Variants in FUT8 observed in about 807,000 individuals in gnomAD.
The protein encoded by FUT8 is fucosyltransferase 8, also known as alpha-(1,6)-fucosyltransferase.
Under a neutral mutation model 71.3 loss-of-function variants are expected in FUT8, and 29 were observed. The ratio of observed to expected loss-of-function variants is 0.41; its 90% CI spans 0.30 to 0.55. The LOEUF is 0.55. Ranked by LOEUF, FUT8 falls within the 20% of genes least tolerant of loss-of-function variation. The pLI is 0.34. For synonymous variants in FUT8, 254 were observed against 239.3 expected, an observed-to-expected ratio of 1.06 and a Z score of -0.57; for missense variants, 544 against 702.1, an observed-to-expected ratio of 0.77 and a Z score of 2.55.
chr14:65,575,621 T>G (rs1886724987), intron 3 of FUT8, among the ~76,000 whole-genome samples: 1 of 141,986 alleles, frequency 7.0e-6, no homozygotes, highest in South Asian at 2.3e-4. Flanking sequence ...CTTCCTTCCT[T>G]CCTCTTTTTT....
At chr14:65,360,491 A>G in the FUT8 span, among the ~76,000 whole-genome samples, 3 of 152,266 alleles carry the variant, frequency 2.0e-5, no homozygotes, top group African/African-American at 7.2e-5. Flanking sequence ...CCCATACTTC[A>G]GAGGACTGGC....
At chr14:65,426,157 T>A (rs988032254) in intron 1 of FUT8, among the ~76,000 whole-genome samples, 4 of 152,104 alleles carry the variant, frequency 2.6e-5, no homozygotes, top group Non-Finnish European at 5.9e-5. Flanking sequence ...GTTCTCTGCT[T>A]CTATGAGTTC....
intron 9 of FUT8, among the ~76,000 whole-genome samples, chr14:65,724,709 G>A (rs1895591754): frequency 6.6e-6 from 1 of 152,172 alleles, no homozygotes; most frequent in Non-Finnish European, 1.5e-5. Context: ...GTCTGAGGCT[G>A]GGAAATTCAA....
chr14:65,403,732 T>A, the FUT8 span, among the ~76,000 whole-genome samples: 1 of 96,690 alleles, frequency 1.0e-5, no homozygotes, highest in Non-Finnish European at 2.1e-5. Context: ...ATACTGATAG[T>A]GGTTAATTTT....
intron 2 of FUT8, among the ~76,000 whole-genome samples, chr14:65,522,747 G>A (rs1457763815): frequency 3.7e-5 from 4 of 109,498 alleles, no homozygotes; most frequent in Admixed American, 2.6e-4. Flanking sequence ...AACAGGCCCC[G>A]GTGTGTGATG....
chr14:65,580,199 G>A (rs1024720161), intron 3 of FUT8, among the ~76,000 whole-genome samples: 5 of 151,028 alleles, frequency 3.3e-5, no homozygotes, highest in African/African-American at 1.2e-4. Flanking sequence ...AGTGTAGTAG[G>A]CTAGTGTGTA....
chr14:65,390,262 G>T, the FUT8 span, among the ~76,000 whole-genome samples: 3 of 150,182 alleles, frequency 2.0e-5, no homozygotes, highest in African/African-American at 7.3e-5. Context: ...GGTGGAGGTT[G>T]CATTGAGCTG....
intron 7 of FUT8, among the ~76,000 whole-genome samples, chr14:65,717,270 C>T (rs1895146780): frequency 7.9e-6 from 1 of 125,928 alleles, no homozygotes; most frequent in South Asian, 2.8e-4. Context: ...GGCGGCCGGG[C>T]AGAGGCGCTC....
the FUT8 span, among the ~76,000 whole-genome samples, chr14:65,360,765 AT>A: frequency 6.6e-6 from 1 of 152,090 alleles, no homozygotes; most frequent in Non-Finnish European, 1.5e-5. Flanking sequence ...GCTACATTTT[AT>A]TTTTTATTAT....
chr14:65,495,498 T>C (rs977759922), intron 2 of FUT8, among the ~76,000 whole-genome samples: 14 of 152,134 alleles, frequency 9.2e-5, no homozygotes, highest in African/African-American at 3.4e-4. Flanking sequence ...CTCCGGGGTA[T>C]GGTCCATTTG....
chr14:65,393,130 A>G, the FUT8 span, among the ~76,000 whole-genome samples: 2 of 152,220 alleles, frequency 1.3e-5, no homozygotes, highest in Non-Finnish European at 2.9e-5. Context: ...GGGTGAGAAC[A>G]CAGCTGAGAG....
At chr14:65,507,949 A>G (rs2066763107) in intron 2 of FUT8, among the ~76,000 whole-genome samples, 1 of 151,998 alleles carries the variant, frequency 6.6e-6, no homozygotes, top group Admixed American at 6.6e-5. Flanking sequence ...TTTTTTCCAC[A>G]TCTTTGCCAG....
chr14:65,413,277 G>C lies in FUT8; in HGVS notation c.-326+63G>C, dbSNP rs1246141659. The C allele has an allele frequency of 1.3e-5, 2 of 152,352 alleles. No homozygotes were observed. The highest frequency in any genetic ancestry group is 4.8e-5 in the African/African-American group (2 of 41,454). The allele number at this position is 152,352 out of a possible 1,614,324, so 9.4% of individuals were successfully genotyped here. ...CGGGGTCTTGGGCTGGGCTGCGCGC[G>C]GGATCTGAGGAGGCTCCGCGGCTGT... On this transcript the variant is annotated intron_variant, in intron 1 of 10. Transcript: ENST00000673929. This position sits in a 1 kb window ranked among gnomAD's most constrained non-coding sequence, Gnocchi z 4.1.
At chr14:65,429,108 C>G (rs572321868) in intron 1 of FUT8, among the ~76,000 whole-genome samples, 1 of 152,186 alleles carries the variant, frequency 6.6e-6, no homozygotes, top group East Asian at 1.9e-4. Context: ...AGGCTGGTGT[C>G]AGGTATATGC....
chr14:65,480,882 G>A (rs1295874103), intron 2 of FUT8, among the ~76,000 whole-genome samples: 2 of 151,812 alleles, frequency 1.3e-5, no homozygotes, highest in African/African-American at 4.8e-5. Context: ...TAGAGATGGG[G>A]TTTCACCATG....
intron 9 of FUT8, among the ~76,000 whole-genome samples, chr14:65,729,645 G>C (rs1392583602): frequency 1.3e-5 from 2 of 151,886 alleles, no homozygotes; most frequent in African/African-American, 4.8e-5. Flanking sequence ...CATCTGAGTA[G>C]CTGGGACTAC....
intron 7 of FUT8, among the ~76,000 whole-genome samples, chr14:65,705,132 C>A (rs1894496286): frequency 6.6e-6 from 1 of 152,068 alleles, no homozygotes; most frequent in African/African-American, 2.4e-5. Context: ...TAATAATAGT[C>A]TTTCAAGTTG....
At chr14:65,468,052 C>T (rs372584044) in intron 2 of FUT8, 13 of 663,590 alleles carry the variant, frequency 2.0e-5, no homozygotes, top group East Asian at 2.9e-5. Flanking sequence ...TTGCCCTTAA[C>T]TTGTTTGTTG....
In FUT8 at chr14:65,660,554, C is replaced by A. The variant is rs938391386; in HGVS notation, c.598-8689C>A. On this transcript the variant is annotated intron_variant, in intron 6 of 10. Coordinates refer to ENST00000673929, the MANE Select transcript of FUT8 (RefSeq NM_001371533.1). The surrounding 1 kb of genome is among the most constrained non-coding windows in gnomAD (Gnocchi z 4.1). ...TTCTACTCTTAGATTTTACAGAATA[C>A]CCATAGGGAAATTGATTTCCTGAAG... 6.6e-6 allele frequency among the ~76,000 whole-genome samples: 1 copy of A among 152,044 alleles called. No homozygotes were observed. The highest frequency in any genetic ancestry group is 2.4e-5 in the African/African-American group (1 of 41,404).
Sources: allele counts gnomAD v4.1 joint callset (sites outside exome capture counted in the v4.1 genomes callset), GRCh38; gene constraint gnomAD v4.1.1; non-coding constraint Gnocchi (gnomAD v3.1); transcripts MANE v1.5; gene names NCBI Gene and HGNC (gene_info 2026-07-23, HGNC 2026-07-21).